The following ARFGEF3 variants were observed in gnomAD, a reference collection of about 807,000 sequenced individuals.
ARFGEF3 encodes brefeldin A-inhibited guanine nucleotide-exchange protein 3.
ARFGEF3 carries 96 observed loss-of-function variants against 221.7 expected under a neutral mutation model. That is an observed-to-expected ratio of 0.43 (90% confidence interval 0.37 to 0.51). ARFGEF3 has a LOEUF of 0.51. Among genes scored for constraint, ARFGEF3 ranks in the 20% least tolerant of loss-of-function variants. The pLI, the probability that ARFGEF3 is intolerant of heterozygous loss-of-function variation, is 0.00. For synonymous variants in ARFGEF3, 1,145 were observed against 1,126.8 expected (o/e 1.02, Z -0.32); for missense variants, 2,410 against 2,789.9 (o/e 0.86, Z 3.07).
At chr6:138,208,129 A>G (rs547219753) in intron 3 of ARFGEF3, among the ~76,000 whole-genome samples, 1 of 147,836 alleles carries the variant, frequency 6.8e-6, no homozygotes, top group East Asian at 2.0e-4. Context: ...TAGATTTTGC[A>G]TTTAGCTTCT....
At chr6:138,199,572 C>T (rs112892401) in intron 2 of ARFGEF3, among the ~76,000 whole-genome samples, 2,417 of 152,194 alleles carry the variant, frequency 0.016, 34 homozygotes, top group Middle Eastern at 0.061. Context: ...TTTGTAGTTT[C>T]CCTTGTAGAG....
intron 33 of ARFGEF3, among the ~76,000 whole-genome samples, chr6:138,336,041 A>AAAAT (rs1780315447): frequency 6.6e-6 from 1 of 152,160 alleles, no homozygotes; most frequent in East Asian, 1.9e-4. Flanking sequence ...CTAAGGAATA[A>AAAAT]GTAAGAGTTT....
intron 14 of ARFGEF3, among the ~76,000 whole-genome samples, chr6:138,281,305 C>A (rs188234107): frequency 6.6e-6 from 1 of 152,084 alleles, no homozygotes; most frequent in Admixed American, 6.6e-5. Context: ...TGTGATAGTT[C>A]TCTCTCTATA....
rs111503155 is a variant in ARFGEF3, at chr6:138,175,190, T to C, written c.137+4477T>C. Among the ~76,000 whole-genome samples, 648 of 152,308 alleles carry C rather than the reference T, an allele frequency of 4.3e-3. 5 individuals are homozygous for C. The highest frequency in any genetic ancestry group is 0.014 in the African/African-American group (594 of 41,572). The stretch of plus-strand genomic sequence containing the variant: ...GGAATTAATGCAGAGCCTATTGATA[T>C]TCAATGCCAGGGAGGGAGGCAGGTC... On this transcript the variant is annotated intron_variant, in intron 2 of 33. Coordinates refer to ENST00000251691, the MANE Select transcript of ARFGEF3 (RefSeq NM_020340.5).
intron 18 of ARFGEF3, among the ~76,000 whole-genome samples, chr6:138,290,949 T>TA (rs1397124296): frequency 6.6e-6 from 1 of 151,732 alleles, no homozygotes; most frequent in Non-Finnish European, 1.5e-5. Context: ...AAAAAGAAAA[T>TA]AAAAAGGCTC....
intron 32 of ARFGEF3, among the ~76,000 whole-genome samples, chr6:138,330,552 C>A (rs532404725): frequency 1.3e-5 from 2 of 152,264 alleles, no homozygotes; most frequent in African/African-American, 4.8e-5. Context: ...TGCCTGTAAT[C>A]CCAGCTACTC....
chr6:138,296,106 C>T (rs9389575), intron 20 of ARFGEF3, among the ~76,000 whole-genome samples: 26,755 of 151,942 alleles, frequency 0.18, 2,597 homozygotes, highest in East Asian at 0.45. Flanking sequence ...AAGATTAGGG[C>T]ACCAAGAGAG....
At chr6:138,259,275 T>A (rs1036227361) in intron 10 of ARFGEF3, among the ~76,000 whole-genome samples, 1 of 152,236 alleles carries the variant, frequency 6.6e-6, no homozygotes, top group Non-Finnish European at 1.5e-5. Flanking sequence ...GTATGTTATT[T>A]CCCTGTTCTC....
At chr6:138,272,310 C>G (rs955744232) in intron 12 of ARFGEF3, among the ~76,000 whole-genome samples, 11 of 152,228 alleles carry the variant, frequency 7.2e-5, no homozygotes, top group African/African-American at 2.6e-4. Context: ...CGTCCGCCAC[C>G]ACGCCTGGCT....
intron 2 of ARFGEF3, among the ~76,000 whole-genome samples, chr6:138,191,231 T>G (rs2114467867): frequency 6.6e-6 from 1 of 152,254 alleles, no homozygotes; most frequent in East Asian, 1.9e-4. Context: ...TTCATAGTAG[T>G]TAGGTGACGT....
intron 5 of ARFGEF3, among the ~76,000 whole-genome samples, chr6:138,237,786 C>G (rs1419842764): frequency 6.6e-6 from 1 of 152,134 alleles, no homozygotes; most frequent in Non-Finnish European, 1.5e-5. Flanking sequence ...TCACCTTGGT[C>G]TAGAAGCCCC....
Position 138,334,912 on chromosome 6 carries a change from T to A in ARFGEF3, c.6066T>A (p.Ile2022=). 6 of 1,591,092 alleles carry A rather than the reference T, an allele frequency of 3.8e-6. No individual in the cohort carries two copies. The highest frequency in any genetic ancestry group is 5.1e-6 in the Non-Finnish European group (6 of 1,169,518). ...KIYTMAADKT[I]SKLMTEYKKR... ...ACACCATGGCAGCCGACAAGACCAT[T>A]TCAAAGTTGATGACCGAATACAAAA... is the stretch of plus-strand genomic sequence containing the variant. Residue 2022 remains isoleucine (I), a synonymous_variant, in exon 33 of 34, where the codon ATT becomes ATA. Transcript: ENST00000251691. This position sits in a 1 kb window ranked among gnomAD's most constrained non-coding sequence, Gnocchi z 5.1.
intron 1 of ARFGEF3, among the ~76,000 whole-genome samples, chr6:138,165,497 C>T (rs1260419439): frequency 6.7e-6 from 1 of 150,310 alleles, no homozygotes; most frequent in African/African-American, 2.5e-5. Context: ...GGTCATCCCC[C>T]TCTGAGACCC....
intron 22 of ARFGEF3, among the ~76,000 whole-genome samples, chr6:138,306,922 A>C (rs1053769773): frequency 6.6e-6 from 1 of 151,332 alleles, no homozygotes; most frequent in African/African-American, 2.4e-5. Flanking sequence ...AAATATTTGC[A>C]AATTATATCT....
chr6:138,230,541 A>C (rs1026582968), intron 5 of ARFGEF3, among the ~76,000 whole-genome samples: 3 of 152,388 alleles, frequency 2.0e-5, no homozygotes, highest in African/African-American at 7.2e-5. Context: ...TTCAAACCAC[A>C]AAGAGGAATG....
At chr6:138,170,617 C>T (rs1776809292) in intron 1 of ARFGEF3, 45 bp from the exon 2 acceptor site, 5 of 1,002,604 alleles carry the variant, frequency 5.0e-6, no homozygotes, top group South Asian at 1.3e-5. Context: ...TGTATATTCT[C>T]AGTGTTTAAA....
Position 138,266,722 on chromosome 6 carries a change from G to T in ARFGEF3, c.2128+3111G>T, listed in dbSNP as rs375670179. 1.1e-4 allele frequency among the ~76,000 whole-genome samples: 16 copies of T among 151,668 alleles called. No individual in the cohort carries two copies. In the East Asian group the frequency reaches 3.1e-3, roughly 30 times the overall value. The stretch of plus-strand genomic sequence containing the variant: ...AAATTAGCTGGGCGTGGTGGCAGGC[G>T]CCTGTAGTCCCAGCTACTTGGGAGG... On this transcript the variant is annotated intron_variant, in intron 12 of 33. Transcript: ENST00000251691.
intron 10 of ARFGEF3, among the ~76,000 whole-genome samples, chr6:138,259,207 A>G (rs1228998725): frequency 6.6e-6 from 1 of 152,216 alleles, no homozygotes; most frequent in Non-Finnish European, 1.5e-5. Flanking sequence ...TTGTGCACAC[A>G]AAGAAAACCA....
At chr6:138,176,662 C>T (rs543981084) in intron 2 of ARFGEF3, among the ~76,000 whole-genome samples, 1 of 151,656 alleles carries the variant, frequency 6.6e-6, no homozygotes, top group Non-Finnish European at 1.5e-5. Context: ...CTCTTGTTGC[C>T]ATTCATTCCT....
Sources: allele counts gnomAD v4.1 joint callset (sites outside exome capture counted in the v4.1 genomes callset), GRCh38; gene constraint gnomAD v4.1.1; non-coding constraint Gnocchi (gnomAD v3.1); transcripts MANE v1.5; gene names NCBI Gene and HGNC (gene_info 2026-07-23, HGNC 2026-07-21).